The following GPC3 variants were observed in gnomAD, a reference collection of about 807,000 sequenced individuals.
GPC3 encodes glypican-3.
Under a neutral mutation model 34.4 loss-of-function variants are expected in GPC3, and 3 were observed. That is an observed-to-expected ratio of 0.09 (90% confidence interval 0.04 to 0.23). The LOEUF (loss-of-function observed/expected upper bound fraction) is 0.23, where lower values mean the gene tolerates loss of function less well. GPC3 is among the 10% of genes least tolerant of loss of function. The probability of loss-of-function intolerance (pLI) is 1.00; values close to 1 mark genes in which losing one functional copy is unlikely to be tolerated. For synonymous variants in GPC3, 177 were observed against 174.0 expected, an observed-to-expected ratio of 1.02 and a Z score of -0.13; for missense variants, 351 against 445.6, an observed-to-expected ratio of 0.79 and a Z score of 1.91.
rs182229456 is a variant in GPC3, at chrX:133,796,298, A to G, written c.338-42122T>C. 5.3e-4 allele frequency among the ~76,000 whole-genome samples: 59 copies of G among 112,151 alleles called. No homozygotes were observed. In the East Asian group the frequency reaches 0.015, roughly 28 times the overall value. Reference sequence around the variant, plus strand: ...AAATTTCATTTCTGTATGCTGAAGTATAAGTACAAAATCAACCCTATGCTG... The same window carrying G: ...AAATTTCATTTCTGTATGCTGAAGTGTAAGTACAAAATCAACCCTATGCTG... On this transcript the variant is annotated intron_variant, in intron 2 of 7. Transcript: ENST00000370818.
intron 2 of GPC3, among the ~76,000 whole-genome samples, chrX:133,944,124 T>A (rs912012046): frequency 9.0e-6 from 1 of 110,589 alleles, no homozygotes; most frequent in Non-Finnish European, 1.9e-5. Context: ...ATTCAAACAT[T>A]TACTGAAAGT....
At chrX:133,918,895 C>A (rs1451020915) in intron 2 of GPC3, among the ~76,000 whole-genome samples, 2 of 111,900 alleles carry the variant, frequency 1.8e-5, no homozygotes, top group Non-Finnish European at 3.8e-5. Context: ...CTTATAAATA[C>A]GAGAGGAGCT....
chrX:133,900,574 T>A (rs889385110), intron 2 of GPC3, among the ~76,000 whole-genome samples: 15 of 111,963 alleles, frequency 1.3e-4, no homozygotes, highest in South Asian at 3.8e-4. Context: ...TTTTTTTTTT[T>A]ATCAATTTAC....
intron 3 of GPC3, among the ~76,000 whole-genome samples, chrX:133,735,969 A>T (rs1472244757): frequency 9.1e-6 from 1 of 110,324 alleles, no homozygotes; most frequent in Admixed American, 9.7e-5. Flanking sequence ...TTTAAAAAAA[A>T]AAAAAAAGTA....
At chrX:133,860,171 C>T (rs2267511) in intron 2 of GPC3, among the ~76,000 whole-genome samples, 30,232 of 110,357 alleles carry the variant, frequency 0.27, 3,432 homozygotes, top group African/African-American at 0.4. Flanking sequence ...ATATCCAAAC[C>T]GCTGCATCGT....
At chrX:133,873,472 G>A (rs1433028101) in intron 2 of GPC3, among the ~76,000 whole-genome samples, 2 of 111,552 alleles carry the variant, frequency 1.8e-5, no homozygotes, top group African/African-American at 6.5e-5. Flanking sequence ...ACAAAGTGGT[G>A]TCCAGGAGTT....
chrX:133,596,661 G>A, intron 6 of GPC3, 62 bp from the exon 7 acceptor site: 1 of 1,072,718 alleles, frequency 9.3e-7, no homozygotes, highest in East Asian at 3.0e-5. Context: ...TCTGCACAGT[G>A]TGTTATTAAC....
chrX:133,912,545 C>T (rs1326795208), intron 2 of GPC3, among the ~76,000 whole-genome samples: 3 of 97,459 alleles, frequency 3.1e-5, no homozygotes, highest in South Asian at 5.0e-4. Context: ...AAGGGGGGTG[C>T]GTGTTATTCC....
intron 2 of GPC3, among the ~76,000 whole-genome samples, chrX:133,822,605 T>C (rs1455517108): frequency 9.0e-6 from 1 of 111,446 alleles, no homozygotes; most frequent in Non-Finnish European, 1.9e-5. Flanking sequence ...ATATAGCATA[T>C]ACAGGGTTCA....
chrX:133,891,799 CAA>C (rs780717414), intron 2 of GPC3, among the ~76,000 whole-genome samples: 13 of 42,137 alleles, frequency 3.1e-4, no homozygotes, highest in Admixed American at 6.5e-4. Context: ...GACCTTGTCT[CAA>C]AAAAAAAAAA....
chrX:133,550,612 G>A lies in GPC3; in HGVS notation c.1574-14319C>T, dbSNP rs991117996. On this transcript the variant is annotated intron_variant, in intron 7 of 7. Coordinates refer to ENST00000370818, the MANE Select transcript of GPC3 (RefSeq NM_004484.4). ...ATCAGTCATTCAGTTGAATGACTGA[G>A]TGAATGCAGGAAACAATGGCTGCAT... Among the ~76,000 whole-genome samples the A allele has an allele frequency of 5.4e-5, 6 of 111,984 alleles. No homozygotes were observed. The South Asian group carries it at 1.5e-3, about 28-fold the overall frequency.
At chrX:133,754,776 A>C (rs1247409739) in intron 2 of GPC3, among the ~76,000 whole-genome samples, 1 of 112,300 alleles carries the variant, frequency 8.9e-6, no homozygotes, top group Non-Finnish European at 1.9e-5. Flanking sequence ...AATGGAATCT[A>C]TCCAATGCAT....
rs1287107596 is a variant in GPC3, at chrX:133,536,037, A to AAAT, written c.*84_*86dup. The AAAT allele has an allele frequency of 1.0e-5, 8 of 762,330 alleles. No individual in the cohort carries two copies. Among genetic ancestry groups the AAAT allele is most frequent in the Non-Finnish European group, 1.6e-5 (8 of 509,391 alleles). 62.8% of individuals were successfully genotyped at this position (762,330 alleles called of 1,213,427 possible). On this transcript the variant is annotated 3_prime_UTR_variant, in exon 8 of 8. Coordinates refer to ENST00000370818, the MANE Select transcript of GPC3 (RefSeq NM_004484.4). ...GGTATACAGGATAACAAAAAAAAAA[A>AAAT]AATAGAAAAAAATAAGAAAGTGGTT...
At chrX:133,869,729 C>T (rs898064696) in intron 2 of GPC3, among the ~76,000 whole-genome samples, 8 of 111,823 alleles carry the variant, frequency 7.2e-5, no homozygotes, top group East Asian at 5.6e-4. Flanking sequence ...CGGCACATCA[C>T]GAGGTCAGGA....
chrX:133,599,334 C>A (rs939820141), intron 6 of GPC3, among the ~76,000 whole-genome samples: 4 of 111,801 alleles, frequency 3.6e-5, no homozygotes, highest in Non-Finnish European at 5.6e-5. Flanking sequence ...GTAAAACTGC[C>A]CTTTATTTTT....
At chrX:133,850,198 T>TG (rs1556329508) in intron 2 of GPC3, among the ~76,000 whole-genome samples, 1 of 101,508 alleles carries the variant, frequency 9.9e-6, no homozygotes, top group South Asian at 4.4e-4. Context: ...GGTTTTGTTT[T>TG]TTTTTTTTTT....
intron 2 of GPC3, among the ~76,000 whole-genome samples, chrX:133,914,424 T>A (rs1291848947): frequency 9.0e-6 from 1 of 111,438 alleles, no homozygotes. Flanking sequence ...ATAAATGCCC[T>A]ATACCTATAC....
At chrX:133,843,683 AATT>A (rs1327793274) in intron 2 of GPC3, among the ~76,000 whole-genome samples, 2 of 111,397 alleles carry the variant, frequency 1.8e-5, no homozygotes, top group African/African-American at 6.5e-5. Context: ...AGAGATAATA[AATT>A]ATTATTGTTG....
At chrX:133,904,313 C>T (rs980119072) in intron 2 of GPC3, among the ~76,000 whole-genome samples, 1 of 111,504 alleles carries the variant, frequency 9.0e-6, no homozygotes, top group Non-Finnish European at 1.9e-5. Context: ...GACCATATAC[C>T]TCATGTTAAT....
Sources: allele counts gnomAD v4.1 joint callset (sites outside exome capture counted in the v4.1 genomes callset), GRCh38; gene constraint gnomAD v4.1.1; transcripts MANE v1.5; gene names NCBI Gene and HGNC (gene_info 2026-07-23, HGNC 2026-07-21).